ARHGAP42: variants seen among roughly 807,000 people sequenced by gnomAD.
The protein encoded by ARHGAP42 is rho GTPase-activating protein 42.
In ARHGAP42, 63 loss-of-function variants were observed where a neutral mutation model predicts 125.0. The observed-to-expected ratio is 0.50, with a 90% CI of 0.41 to 0.62. ARHGAP42 has a LOEUF of 0.62. Ranked by LOEUF, ARHGAP42 falls within the 20% of genes least tolerant of loss-of-function variation. The probability of loss-of-function intolerance (pLI) is 0.00; values close to 1 mark genes in which losing one functional copy is unlikely to be tolerated. For missense variants in ARHGAP42, 766 were observed against 1,024.2 expected (o/e 0.75, Z 3.44); for synonymous variants, 339 against 351.0 (o/e 0.97, Z 0.38).
At chr11:100,921,243 ATATTTTTTTTTTT>A (rs1400373778) in intron 5 of ARHGAP42, among the ~76,000 whole-genome samples, 4 of 24,308 alleles carry the variant, frequency 1.6e-4, no homozygotes, top group African/African-American at 3.1e-4. Flanking sequence ...ATATATATAT[ATATTTTTTTTTTT>A]TTTTTTTTTT....
chr11:100,817,519 G>T (rs538967425), intron 3 of ARHGAP42, among the ~76,000 whole-genome samples: 1 of 152,080 alleles, frequency 6.6e-6, no homozygotes, highest in Non-Finnish European at 1.5e-5. Context: ...AGGAAATGTT[G>T]AATTGAATTC....
intron 2 of ARHGAP42, among the ~76,000 whole-genome samples, chr11:100,771,705 TCTC>T (rs2134991532): frequency 6.6e-6 from 1 of 152,050 alleles, no homozygotes; most frequent in South Asian, 2.1e-4. Context: ...TTCAAGCAAT[TCTC>T]CTGCCTCAGC....
At position 100,948,438 on chromosome 11, in the gene ARHGAP42, A is replaced by G; in HGVS notation, c.1044-19A>G. ...AAGTAGTAAATGTGTAAATATAGAA[A>G]ATATTTGTTTTTAAATAGGCATGGG... On this transcript the variant is annotated intron_variant, in intron 10 of 23. Transcript: ENST00000298815. 1 of 1,495,450 alleles carries G rather than the reference A, an allele frequency of 6.7e-7. No individual in the cohort carries two copies. The highest frequency in any genetic ancestry group is 9.0e-7 in the Non-Finnish European group (1 of 1,112,586). The allele number at this position is 1,495,450 out of a possible 1,614,324, so 92.6% of individuals were successfully genotyped here. A position where few individuals can be genotyped will look rare whatever the true frequency, so the allele number is the denominator to read the frequency against.
chr11:100,699,498 ATATATATATTTT>A (rs1861355859), intron 1 of ARHGAP42, among the ~76,000 whole-genome samples: 1 of 36,226 alleles, frequency 2.8e-5, no homozygotes, highest in African/African-American at 1.1e-4. Context: ...ATATATATAT[ATATATATATTTT>A]TTTTTTTTTT....
chr11:100,777,019 AT>A (rs1863146088), intron 2 of ARHGAP42, among the ~76,000 whole-genome samples: 1 of 150,844 alleles, frequency 6.6e-6, no homozygotes, highest in Non-Finnish European at 1.5e-5. Flanking sequence ...AGCATGTCGC[AT>A]TTTAAAAAAG....
chr11:100,858,290 C>A (rs1322505687), intron 3 of ARHGAP42, among the ~76,000 whole-genome samples: 1 of 152,032 alleles, frequency 6.6e-6, no homozygotes, highest in Non-Finnish European at 1.5e-5. Flanking sequence ...TGATGGATGC[C>A]AGTGGTATCT....
In ARHGAP42 at chr11:100,861,152, G is replaced by A. The variant is rs184544248; in HGVS notation, c.384+1527G>A. Among the ~76,000 whole-genome samples the A allele has an allele frequency of 5.9e-5, 9 of 152,264 alleles. No homozygotes were observed. In the East Asian group the frequency reaches 9.7e-4, roughly 16 times the overall value. Reference sequence around the variant, plus strand: ...CAAGAAGTGTTAGGTAGAGACCTACGTCATGAGGAAGAAAAAGGGGACACA... The same window carrying A: ...CAAGAAGTGTTAGGTAGAGACCTACATCATGAGGAAGAAAAAGGGGACACA... On this transcript the variant is annotated intron_variant, in intron 4 of 23. Transcript: ENST00000298815.
chr11:100,961,691 A>G lies in ARHGAP42; in HGVS notation c.1308A>G (p.Lys436=), dbSNP rs1857959920. The change falls in exon 15 of 24, where the codon AAA becomes AAG. Residue 436 remains lysine, a synonymous_variant. Transcript: ENST00000298815. ...QKLMNTTFSP[K]SPPDIDIDIE... is the part of the protein sequence containing the mutation. ...TTGTTTTATTCTTTCCAGCTCCTAA[A>G]TCCCCTCCTGATATTGATATTGATA... 6.4e-7 allele frequency: 1 copy of G among 1,551,348 alleles called. No individual in the cohort carries two copies. The highest frequency in any genetic ancestry group is 8.7e-7 in the Non-Finnish European group (1 of 1,146,692).
rs543513805 is a variant in ARHGAP42, at chr11:100,848,628, C to T, written c.313-10926C>T. On this transcript the variant is annotated intron_variant, in intron 3 of 23. Transcript: ENST00000298815. ...AAGTGATTCTCCTGCCTCAGGCTCC[C>T]GAGTAGCTGGGATTACAGGTGTGCA... Among the ~76,000 whole-genome samples the T allele has an allele frequency of 2.0e-4, 30 of 151,964 alleles. No homozygotes were observed. In the East Asian group the frequency reaches 3.1e-3, roughly 16 times the overall value.
At chr11:100,777,097 T>A in intron 2 of ARHGAP42, among the ~76,000 whole-genome samples, 1 of 152,062 alleles carries the variant, frequency 6.6e-6, no homozygotes. Context: ...AGCTCGAACA[T>A]GAACCAAGTT....
At chr11:100,691,958 A>G (rs1397950375) in intron 1 of ARHGAP42, among the ~76,000 whole-genome samples, 2 of 152,242 alleles carry the variant, frequency 1.3e-5, no homozygotes, top group Non-Finnish European at 2.9e-5. Flanking sequence ...TCAAAACATT[A>G]TATTATACAC....
intron 1 of ARHGAP42, among the ~76,000 whole-genome samples, chr11:100,693,316 A>C (rs1861222093): frequency 6.6e-6 from 1 of 152,174 alleles, no homozygotes; most frequent in South Asian, 2.1e-4. Context: ...TCTTATAATC[A>C]TTAGAATTTA....
Position 100,770,404 on chromosome 11 carries a change from T to C in ARHGAP42, c.216T>C (p.Ile72=). 1 of 1,550,786 alleles carries C rather than the reference T, an allele frequency of 6.4e-7. No homozygotes were observed. Among genetic ancestry groups the C allele is most frequent in the East Asian group, 2.4e-5 (1 of 40,856 alleles). The change falls in exon 2 of 24, where the codon ATT becomes ATC. Residue 72 remains isoleucine, a synonymous_variant. Transcript: ENST00000298815. ...QSLQDFQFEC[I]GDAETDDEIS... ...TGCAAGATTTCCAGTTTGAATGTAT[T>C]GGTGATGCTGAAACAGATGATGAAA...
chr11:100,806,485 A>T (rs1230425693), intron 3 of ARHGAP42, among the ~76,000 whole-genome samples: 1 of 152,202 alleles, frequency 6.6e-6, no homozygotes, highest in Admixed American at 6.5e-5. Flanking sequence ...TTCCACATGT[A>T]TGAAAACGGA....
chr11:100,977,765 T>G (rs1565304398), intron 21 of ARHGAP42, among the ~76,000 whole-genome samples: 1 of 152,196 alleles, frequency 6.6e-6, no homozygotes, highest in Non-Finnish European at 1.5e-5. Context: ...TGACGAGAAC[T>G]GATGCTTTTC....
chr11:100,841,353 T>A (rs1360692710), intron 3 of ARHGAP42, among the ~76,000 whole-genome samples: 1 of 151,932 alleles, frequency 6.6e-6, no homozygotes, highest in East Asian at 1.9e-4. Flanking sequence ...TGTTCAGGAG[T>A]TGAGTTCAAT....
At position 100,907,176 on chromosome 11, in the gene ARHGAP42, C is replaced by A. The variant is rs138023008; in HGVS notation, c.385-6276C>A. ...TTCAACTTTCTAACTCTTAGAGCAT[C>A]CAACTGATATAATGTAATATCTCAT... On this transcript the variant is annotated intron_variant, in intron 4 of 23. Transcript: ENST00000298815. 3.6e-3 allele frequency among the ~76,000 whole-genome samples: 541 copies of A among 152,316 alleles called. 3 individuals carry two copies. The highest frequency in any genetic ancestry group is 0.013 in the African/African-American group (522 of 41,578).
intron 3 of ARHGAP42, among the ~76,000 whole-genome samples, chr11:100,837,668 T>A (rs1327985587): frequency 2.5e-4 from 18 of 73,208 alleles, no homozygotes; most frequent in African/African-American, 8.0e-4. Flanking sequence ...GTGTCATCCT[T>A]TTTTTTTTTT....
intron 2 of ARHGAP42, among the ~76,000 whole-genome samples, chr11:100,776,465 T>A (rs567171766): frequency 1.2e-4 from 18 of 152,212 alleles, no homozygotes; most frequent in Admixed American, 3.3e-4. Context: ...AACAGAAAAT[T>A]CCTGTGGTAG....
Sources: gnomAD v4.1 joint callset for allele counts (sites outside exome capture counted in the v4.1 genomes callset) on GRCh38, gnomAD v4.1.1 for gene constraint, MANE v1.5 for transcripts, NCBI Gene and HGNC (gene_info 2026-07-23, HGNC 2026-07-21) for gene names.